DNAJA2: variants seen among roughly 807,000 people sequenced by gnomAD.
DNAJA2 encodes DnaJ heat shock protein family (Hsp40) member A2.
A neutral mutation model predicts 49.3 loss-of-function variants in DNAJA2; 6 were observed. The ratio of observed to expected loss-of-function variants is 0.12; its 90% CI spans 0.07 to 0.24. The LOEUF is 0.24. Among genes scored for constraint, DNAJA2 ranks in the 10% least tolerant of loss-of-function variants. The pLI, the probability that DNAJA2 is intolerant of heterozygous loss-of-function variation, is 1.00. For synonymous variants in DNAJA2, 160 were observed against 172.7 expected (o/e 0.93, Z 0.58); for missense variants, 347 against 516.8 (o/e 0.67, Z 3.19).
chr16:46,968,854 T>C (rs1345634584), intron 3 of DNAJA2, among the ~76,000 whole-genome samples: 1 of 152,126 alleles, frequency 6.6e-6, no homozygotes, highest in East Asian at 1.9e-4. Flanking sequence ...AAGACCAGCC[T>C]GAGCAACTTA....
At chr16:46,964,469 T>C in intron 6 of DNAJA2, 142 bp downstream of exon 6, 1 of 733,812 alleles carries the variant, frequency 1.4e-6, no homozygotes, top group East Asian at 2.7e-5. Context: ...CAAGCCCGTC[T>C]TAGGAACTCA....
At chr16:46,967,909 C>T (rs1961994970) in intron 4 of DNAJA2, among the ~76,000 whole-genome samples, 175 bp downstream of exon 4, 1 of 152,098 alleles carries the variant, frequency 6.6e-6, no homozygotes, top group African/African-American at 2.4e-5. Context: ...AAGCGATTCT[C>T]CTACCTCAGG....
At position 46,973,411 on chromosome 16, in the gene DNAJA2, C is replaced by T. The variant is rs1359273456; in HGVS notation, c.78+84G>A. 1.8e-4 allele frequency: 245 copies of T among 1,357,204 alleles called. 3 individuals carry two copies. In the East Asian group the frequency reaches 6.9e-3, roughly 38 times the overall value. The allele number at this position is 1,357,204 out of a possible 1,614,324, so 84.1% of individuals were successfully genotyped here. ...GGCCGGCGCCGGCTCGCGGGCAGCC[C>T]AGTAGCGCGGCCTGGCTGAAGAAGA... On this transcript the variant is annotated intron_variant, in intron 1 of 8. Coordinates refer to ENST00000317089, the MANE Select transcript of DNAJA2 (RefSeq NM_005880.4).
intron 1 of DNAJA2, chr16:46,972,386 A>C (rs1318605553): frequency 6.4e-6 from 1 of 156,508 alleles, no homozygotes; most frequent in Non-Finnish European, 1.4e-5. Context: ...CCTGCTCCCG[A>C]TGGCTCACGC....
At chr16:46,966,603 TA>T (rs1961974811) in intron 5 of DNAJA2, among the ~76,000 whole-genome samples, 1 of 152,126 alleles carries the variant, frequency 6.6e-6, no homozygotes, top group African/African-American at 2.4e-5. Flanking sequence ...TTTTTATAAT[TA>T]AAATTTTAAT....
At chr16:46,971,732 G>A (rs1336931245) in intron 2 of DNAJA2, 160 bp from the exon 3 acceptor site, 5 of 836,296 alleles carry the variant, frequency 6.0e-6, no homozygotes, top group African/African-American at 1.7e-5. Flanking sequence ...CCGCTCCTCA[G>A]AATGGTAGTA....
At chr16:46,957,496 A>T (rs1961832239) in intron 8 of DNAJA2, among the ~76,000 whole-genome samples, 1 of 152,046 alleles carries the variant, frequency 6.6e-6, no homozygotes, top group Non-Finnish European at 1.5e-5. Context: ...CTAGCTAGTC[A>T]GAAGGCTGAG....
rs1258365140 is a variant in DNAJA2, at chr16:46,959,325, T to C, written c.869A>G (p.Asp290Gly). The C allele has an allele frequency of 1.2e-6, 2 of 1,614,132 alleles. No homozygotes were observed. Among genetic ancestry groups the C allele is most frequent in the South Asian group, 1.1e-5 (1 of 91,082 alleles). Residue 290 changes from aspartate (D) to glycine (G), a missense_variant, in exon 7 of 9, where the codon GAT becomes GGT. Coordinates refer to ENST00000317089, the MANE Select transcript of DNAJA2 (RefSeq NM_005880.4). Reference protein sequence around the residue: ...CGFQFTFKHLDGRQIVVKYPP... With the variant: ...CGFQFTFKHLGGRQIVVKYPP... ...GTATTTCACCACAATCTGACGTCCATCAAGGTGCTTAAATGTGAACTGAAA... is the reference window on the plus strand; with the variant it reads ...GTATTTCACCACAATCTGACGTCCACCAAGGTGCTTAAATGTGAACTGAAA...
intron 6 of DNAJA2, among the ~76,000 whole-genome samples, chr16:46,960,893 T>C (rs1021325338): frequency 1.3e-5 from 2 of 151,508 alleles, no homozygotes; most frequent in African/African-American, 2.4e-5. Flanking sequence ...ACTAGGCTAG[T>C]TGAGGCAGGA....
chr16:46,971,761 A>G, intron 2 of DNAJA2, 135 bp downstream of exon 2: 1 of 944,274 alleles, frequency 1.1e-6, no homozygotes, highest in Non-Finnish European at 1.7e-6. Flanking sequence ...CTAAAACTAA[A>G]ATACTCTTGA....
chr16:46,955,889 A>C lies in DNAJA2; in HGVS notation c.*1140T>G, dbSNP rs983722078. 6.6e-6 allele frequency: 1 copy of C among 152,282 alleles called. No individual in the cohort carries two copies. The highest frequency in any genetic ancestry group is 1.9e-4 in the East Asian group (1 of 5,184). The allele number at this position is 152,282 out of a possible 1,614,324, so 9.4% of individuals were successfully genotyped here. ...TGCTTATTTTTAGTTTGAAATATAA[A>C]TAACTACAACAATGCATATTTCAGT... is the stretch of plus-strand genomic sequence containing the variant. On this transcript the variant is annotated 3_prime_UTR_variant, in exon 9 of 9. Coordinates refer to ENST00000317089, the MANE Select transcript of DNAJA2 (RefSeq NM_005880.4).
chr16:46,969,743 T>C (rs1962019478), intron 3 of DNAJA2, among the ~76,000 whole-genome samples: 1 of 152,124 alleles, frequency 6.6e-6, no homozygotes, highest in Admixed American at 6.5e-5. Context: ...GGTAAATAAA[T>C]CATAGAATGC....
chr16:46,958,584 AC>A (rs745811296), intron 8 of DNAJA2: 21 of 44,186 alleles, frequency 4.8e-4, no homozygotes, highest in East Asian at 5.8e-3. Flanking sequence ...ACAAAAACAA[AC>A]AAACAAAAAA....
intron 3 of DNAJA2, among the ~76,000 whole-genome samples, chr16:46,970,713 C>T (rs55924154): frequency 2.1e-5 from 2 of 97,542 alleles, no homozygotes; most frequent in African/African-American, 3.9e-5. Flanking sequence ...CCAACCCGGG[C>T]GACAGGGACT....
chr16:46,967,700 A>ACAC, intron 4 of DNAJA2, 54 bp from the exon 5 acceptor site: 3 of 1,607,254 alleles, frequency 1.9e-6, no homozygotes, highest in Non-Finnish European at 8.5e-7. Flanking sequence ...CACTCCAATA[A>ACAC]GCTATGACAC....
chr16:46,956,740 C>A lies in DNAJA2; in HGVS notation c.*289G>T. 3.6e-6 allele frequency: 1 copy of A among 274,706 alleles called. No individual in the cohort carries two copies. The allele number at this position is 274,706 out of a possible 1,614,324, so 17.0% of individuals were successfully genotyped here. Reference sequence around the variant, plus strand: ...AAATCTACACAAAACTGATAAAAATCAAGCACAGATACCAGGATTGAAACT... The same window carrying A: ...AAATCTACACAAAACTGATAAAAATAAAGCACAGATACCAGGATTGAAACT... On this transcript the variant is annotated 3_prime_UTR_variant, in exon 9 of 9. Coordinates refer to ENST00000317089, the MANE Select transcript of DNAJA2 (RefSeq NM_005880.4).
At chr16:46,971,258 G>A (rs1962043167) in intron 3 of DNAJA2, 91 bp downstream of exon 3, 3 of 1,115,760 alleles carry the variant, frequency 2.7e-6, no homozygotes, top group South Asian at 3.3e-5. Context: ...ATGAAGGACA[G>A]AACACTCTAT....
At chr16:46,961,406 G>C (rs1026232813) in intron 6 of DNAJA2, among the ~76,000 whole-genome samples, 1 of 150,974 alleles carries the variant, frequency 6.6e-6, no homozygotes, top group Non-Finnish European at 1.5e-5. Context: ...ATAAAAAGTG[G>C]GGCAGGGCAC....
chr16:46,959,544 A>C (rs1961865206), intron 6 of DNAJA2, 125 bp from the exon 7 acceptor site: 1 of 904,824 alleles, frequency 1.1e-6, no homozygotes, highest in African/African-American at 1.7e-5. Context: ...CCAAAGTGCC[A>C]CTGTCCCTAG....
Sources: allele counts gnomAD v4.1 joint callset (sites outside exome capture counted in the v4.1 genomes callset), GRCh38; gene constraint gnomAD v4.1.1; transcripts MANE v1.5; gene names NCBI Gene and HGNC (gene_info 2026-07-23, HGNC 2026-07-21).